The following RAB1B variants were observed in gnomAD, a reference collection of about 807,000 sequenced individuals.
RAB1B encodes the protein ras-related protein Rab-1B.
Under a neutral mutation model 24.8 loss-of-function variants are expected in RAB1B, and 10 were observed. The ratio of observed to expected loss-of-function variants is 0.40; its 90% CI spans 0.25 to 0.68. The LOEUF (loss-of-function observed/expected upper bound fraction) is 0.68, where lower values mean the gene tolerates loss of function less well. RAB1B is among the 30% of genes least tolerant of loss of function. RAB1B has a pLI of 0.37. For missense variants in RAB1B, 154 were observed against 271.2 expected, an observed-to-expected ratio of 0.57 and a Z score of 3.04; for synonymous variants, 99 against 111.7, an observed-to-expected ratio of 0.89 and a Z score of 0.72.
chr11:66,268,780 A>C (rs1856987798), intron 1 of RAB1B, 87 bp downstream of exon 1: 3 of 1,333,514 alleles, frequency 2.2e-6, no homozygotes, highest in Non-Finnish European at 3.0e-6. Flanking sequence ...GGCCCGGGTC[A>C]GGACTGTGCG....
intron 2 of RAB1B, 49 bp from the exon 3 acceptor site, chr11:66,272,108 G>A: frequency 1.5e-6 from 2 of 1,345,840 alleles, no homozygotes; most frequent in Non-Finnish European, 1.1e-6. Context: ...TCTCCAAGTG[G>A]GCCTCACCTC....
At chr11:66,272,297 C>T in intron 3 of RAB1B, 45 bp downstream of exon 3, 1 of 1,599,270 alleles carries the variant, frequency 6.3e-7, no homozygotes, top group Non-Finnish European at 8.6e-7. Flanking sequence ...AGGTATCCAC[C>T]TTGGGAGGGA....
chr11:66,275,773 CA>C (rs1437965719), intron 4 of RAB1B, 30 bp from the exon 5 acceptor site: 1 of 1,553,946 alleles, frequency 6.4e-7, no homozygotes, highest in Non-Finnish European at 8.7e-7. Flanking sequence ...CAGTTGGGAG[CA>C]AAATAACTTT....
At chr11:66,275,342 A>G (rs1179350362) in intron 4 of RAB1B, among the ~76,000 whole-genome samples, 1 of 152,196 alleles carries the variant, frequency 6.6e-6, no homozygotes, top group Non-Finnish European at 1.5e-5. Context: ...CCCACAGGCC[A>G]GGGCCACCTC....
chr11:66,275,162 T>C (rs111616458), intron 4 of RAB1B, among the ~76,000 whole-genome samples: 36 of 152,344 alleles, frequency 2.4e-4, no homozygotes, highest in African/African-American at 8.4e-4. Flanking sequence ...ATGACCAGGC[T>C]TCTGGCTCCT....
rs55687530 is a variant in RAB1B at position 66,268,831 on chromosome 11, C to CCCCA, written c.14+138_14+139insCCCA. 8.6e-5 allele frequency: 81 copies of CCCCA among 936,752 alleles called. 1 individual carries two copies. The highest frequency in any genetic ancestry group is 1.1e-4 in the Non-Finnish European group (79 of 699,470). 58.0% of individuals were successfully genotyped at this position (936,752 alleles called of 1,614,324 possible). A position where few individuals can be genotyped will look rare whatever the true frequency, so the allele number is the denominator to read the frequency against. ...GGTCCCTCTTCCGCTGACCCCCCCC[C>CCCCA]ACATCCGGGTTCTGCCCCTCCCCCC... On this transcript the variant is annotated intron_variant, in intron 1 of 5. Coordinates refer to ENST00000311481, the MANE Select transcript of RAB1B (RefSeq NM_030981.3).
Position 66,272,254 on chromosome 11 carries a change from T to C in RAB1B, c.183+2T>C. ...GGCAAAACTATCAAACTTCAGATCGTGAGTGTCGCTCTTCCCAAAATCCCC... is the reference window on the plus strand; with the variant it reads ...GGCAAAACTATCAAACTTCAGATCGCGAGTGTCGCTCTTCCCAAAATCCCC... On this transcript the variant is annotated splice_donor_variant, in intron 3 of 5. Coordinates refer to ENST00000311481, the MANE Select transcript of RAB1B (RefSeq NM_030981.3). LOFTEE classifies it high-confidence loss of function. 1 of 1,612,722 alleles carries C rather than the reference T, an allele frequency of 6.2e-7. No homozygotes were observed. The highest frequency in any genetic ancestry group is 8.5e-7 in the Non-Finnish European group (1 of 1,178,728).
chr11:66,268,819 C>G (rs1160569963), intron 1 of RAB1B, 126 bp downstream of exon 1: 5 of 768,678 alleles, frequency 6.5e-6, no homozygotes, highest in African/African-American at 7.7e-5. Context: ...CCCTCTTCCG[C>G]TGACCCCCCC....
chr11:66,269,977 C>T (rs1857027633), intron 1 of RAB1B: 1 of 152,114 alleles, frequency 6.6e-6, no homozygotes, highest in East Asian at 1.9e-4. Context: ...TGGGCTGAAG[C>T]AGTCCTCCTG....
At chr11:66,269,802 C>A (rs565403912) in intron 1 of RAB1B, 3 of 152,016 alleles carry the variant, frequency 2.0e-5, no homozygotes, top group Non-Finnish European at 4.4e-5. Context: ...TGAGATGATG[C>A]ATTTAAAGTA....
chr11:66,271,486 C>A (rs60556478), intron 1 of RAB1B: 1 of 134,928 alleles, frequency 7.4e-6, no homozygotes, highest in East Asian at 2.3e-4. Context: ...AAAACTCAGT[C>A]TCAAAAAAAA....
intron 1 of RAB1B, chr11:66,270,205 C>G (rs1192305167): frequency 6.6e-6 from 1 of 152,062 alleles, no homozygotes; most frequent in Non-Finnish European, 1.5e-5. Flanking sequence ...AACTTGACCA[C>G]CTCTTCCTGG....
intron 1 of RAB1B, among the ~76,000 whole-genome samples, chr11:66,269,039 C>G (rs983165355): frequency 6.6e-6 from 1 of 152,054 alleles, no homozygotes; most frequent in Non-Finnish European, 1.5e-5. Context: ...GACAACTGTC[C>G]CGGAGTTTTG....
intron 4 of RAB1B, among the ~76,000 whole-genome samples, chr11:66,273,194 T>A (rs1311845986): frequency 6.6e-6 from 1 of 152,190 alleles, no homozygotes; most frequent in Non-Finnish European, 1.5e-5. Flanking sequence ...CTACCAAATG[T>A]TGTTGCTTAA....
chr11:66,270,629 C>T (rs1857040877), intron 1 of RAB1B: 1 of 152,208 alleles, frequency 6.6e-6, no homozygotes, highest in Non-Finnish European at 1.5e-5. Flanking sequence ...CCAGGCTGGT[C>T]ATACACTCCT....
At chr11:66,273,155 G>T (rs1590885391) in intron 4 of RAB1B, among the ~76,000 whole-genome samples, 2 of 152,340 alleles carry the variant, frequency 1.3e-5, no homozygotes, top group East Asian at 3.9e-4. Context: ...AGAAAGCCTG[G>T]ATGGCTCATT....
At chr11:66,271,304 A>T (rs61891385) in intron 1 of RAB1B, 17,426 of 154,388 alleles carry the variant, frequency 0.11, 1,412 homozygotes, top group Admixed American at 0.24. Context: ...CCTGGCCAAC[A>T]TGGTGAAACC....
Position 66,277,457 on chromosome 11 carries a change from T to C in RAB1B, c.*1219T>C, listed in dbSNP as rs969705188. 3 of 152,264 alleles carry C rather than the reference T, an allele frequency of 2.0e-5. No homozygotes were observed. Among genetic ancestry groups the C allele is most frequent in the African/African-American group, 7.2e-5 (3 of 41,460 alleles). 9.4% of individuals were successfully genotyped at this position (152,264 alleles called of 1,614,324 possible). A position where few individuals can be genotyped will look rare whatever the true frequency, so the allele number is the denominator to read the frequency against. ...GACAAAAAAAATTAATAAATTTCCA[T>C]TGGCCCTCGGGTGAGCTGAGGGTTT... On this transcript the variant is annotated 3_prime_UTR_variant, in exon 6 of 6. Transcript: ENST00000311481.
At chr11:66,268,717 T>C in intron 1 of RAB1B, 24 bp downstream of exon 1, 1 of 1,559,882 alleles carries the variant, frequency 6.4e-7, no homozygotes, top group Non-Finnish European at 8.7e-7. Context: ...GCCCGCGCCG[T>C]CCAGCGCAGC....
Sources: gnomAD v4.1 joint callset for allele counts (sites outside exome capture counted in the v4.1 genomes callset) on GRCh38, gnomAD v4.1.1 for gene constraint, MANE v1.5 for transcripts, NCBI Gene and HGNC (gene_info 2026-07-23, HGNC 2026-07-21) for gene names.